ITPR3: variants seen among roughly 807,000 people sequenced by gnomAD.
ITPR3 encodes inositol 1,4,5-trisphosphate receptor type 3.
ITPR3 carries 173 observed loss-of-function variants against 293.2 expected under a neutral mutation model. The observed-to-expected ratio is 0.59, with a 90% confidence interval of 0.52 to 0.67. The LOEUF (loss-of-function observed/expected upper bound fraction) is 0.67. ITPR3 is among the 30% of genes least tolerant of loss of function. The pLI, the probability that ITPR3 is intolerant of heterozygous loss-of-function variation, is 0.00. For synonymous variants in ITPR3, 1,295 were observed against 1,444.4 expected, an observed-to-expected ratio of 0.90 and a Z score of 2.35; for missense variants, 2,796 against 3,592.1, an observed-to-expected ratio of 0.78 and a Z score of 5.66.
chr6:33,676,720 A>G (rs1355078329), intron 25 of ITPR3, 48 bp from the exon 26 acceptor site: 27 of 1,606,558 alleles, frequency 1.7e-5, no homozygotes, highest in Non-Finnish European at 2.3e-5. Flanking sequence ...TCTAAGTGGC[A>G]TGGACCTGGA....
At chr6:33,689,828 C>T (rs1042814633) in intron 50 of ITPR3, among the ~76,000 whole-genome samples, 12 of 152,226 alleles carry the variant, frequency 7.9e-5, no homozygotes, top group African/African-American at 9.6e-5. Flanking sequence ...CCCCATCCTC[C>T]GTTGCCTGTA....
Position 33,673,576 on chromosome 6 carries a change from T to C in ITPR3, c.2929-15T>C, listed in dbSNP as rs773863454. 6.2e-7 allele frequency: 1 copy of C among 1,613,742 alleles called. No homozygotes were observed. The highest frequency in any genetic ancestry group is 8.5e-7 in the Non-Finnish European group (1 of 1,179,806). ...CCTCACCCCATCCTCACCTGACCTT[T>C]CCTCTCTTCTCCAGTTCATCCTCAA... On this transcript the variant is annotated splice_polypyrimidine_tract_variant and intron_variant, in intron 22 of 57. Transcript: ENST00000605930.
In ITPR3 at chr6:33,688,229, G is replaced by A. The variant is rs1765290516; in HGVS notation, c.6376-10G>A. ...TGCGCCGGGCGTGACCATGTGCTGTGTGTGCTCAGATTGTGCGGCAGGACC... is the reference window on the plus strand; with the variant it reads ...TGCGCCGGGCGTGACCATGTGCTGTATGTGCTCAGATTGTGCGGCAGGACC... On this transcript the variant is annotated splice_polypyrimidine_tract_variant and intron_variant, in intron 47 of 57. Coordinates refer to ENST00000605930, the MANE Select transcript of ITPR3 (RefSeq NM_002224.4). 12 of 1,614,182 alleles carry A rather than the reference G, an allele frequency of 7.4e-6. No homozygotes were observed. The highest frequency in any genetic ancestry group is 9.3e-6 in the Non-Finnish European group (11 of 1,180,034).
chr6:33,624,289 C>T lies in ITPR3; in HGVS notation c.89+2598C>T, dbSNP rs1763506404. Among the ~76,000 whole-genome samples the T allele has an allele frequency of 6.6e-6, 1 of 152,200 alleles. No homozygotes were observed. The highest frequency in any genetic ancestry group is 6.5e-5 in the Admixed American group (1 of 15,286). On this transcript the variant is annotated intron_variant, in intron 1 of 57. Coordinates refer to ENST00000605930, the MANE Select transcript of ITPR3 (RefSeq NM_002224.4). The surrounding 1 kb of genome is among the most constrained non-coding windows in gnomAD (Gnocchi z 4.7). ...GGATTAACACCATTCATATATTTAG[C>T]AGGTCTACAGGCACTGTACTGGGTG...
intron 56 of ITPR3, among the ~76,000 whole-genome samples, chr6:33,694,006 C>G (rs1765467408): frequency 6.6e-6 from 1 of 152,210 alleles, no homozygotes; most frequent in South Asian, 2.1e-4. Context: ...ACAGCAAACC[C>G]ATGCGCCCCG....
In ITPR3 at chr6:33,670,849, G is replaced by T. The variant is rs1280486222; in HGVS notation, c.2586+34G>T. On this transcript the variant is annotated intron_variant, in intron 20 of 57. Coordinates refer to ENST00000605930, the MANE Select transcript of ITPR3 (RefSeq NM_002224.4). The surrounding 1 kb of genome is among the most constrained non-coding windows in gnomAD (Gnocchi z 6.7). ...GGGAGTGCCCAGGGGCTGGGGGTCCGTGGAGCTCTTGTTGGCCCCACACTG... is the reference window on the plus strand; with the variant it reads ...GGGAGTGCCCAGGGGCTGGGGGTCCTTGGAGCTCTTGTTGGCCCCACACTG... The T allele has an allele frequency of 1.2e-6, 2 of 1,605,672 alleles. No individual in the cohort carries two copies. The highest frequency in any genetic ancestry group is 2.7e-5 in the African/African-American group (2 of 74,818).
At chr6:33,623,321 GTTTTGTT>G (rs1252920765) in intron 1 of ITPR3, among the ~76,000 whole-genome samples, 1 of 118,266 alleles carries the variant, frequency 8.5e-6, no homozygotes, top group Admixed American at 9.1e-5. Context: ...GTGCCTGTGA[GTTTTGTT>G]TTTTTTTTTT....
In ITPR3 at chr6:33,675,496, C is replaced by G. The variant is rs1033582697; in HGVS notation, c.3117-195C>G. 1.3e-5 allele frequency among the ~76,000 whole-genome samples: 2 copies of G among 151,842 alleles called. No homozygotes were observed. The highest frequency in any genetic ancestry group is 1.9e-4 in the East Asian group (1 of 5,184). On this transcript the variant is annotated intron_variant, in intron 24 of 57. Transcript: ENST00000605930. The surrounding 1 kb of genome is among the most constrained non-coding windows in gnomAD (Gnocchi z 5.0). ...GAGTCCCGAGAGATCCCAGGAGACA[C>G]GGGTCACTCCGGAGATTCAGGGGAG...
At position 33,624,565 on chromosome 6, in the gene ITPR3, C is replaced by G. The variant is rs1477595084; in HGVS notation, c.89+2874C>G. Among the ~76,000 whole-genome samples, 2 of 152,258 alleles carry G rather than the reference C, an allele frequency of 1.3e-5. No homozygotes were observed. The highest frequency in any genetic ancestry group is 2.9e-5 in the Non-Finnish European group (2 of 68,052). Reference sequence around the variant, plus strand: ...AGCGTTGCTCTGAGTGATTTTCTCTCTGCCCCATCCTCCTCAGAATCCTTC... The same window carrying G: ...AGCGTTGCTCTGAGTGATTTTCTCTGTGCCCCATCCTCCTCAGAATCCTTC... On this transcript the variant is annotated intron_variant, in intron 1 of 57. Coordinates refer to ENST00000605930, the MANE Select transcript of ITPR3 (RefSeq NM_002224.4). This position sits in a 1 kb window ranked among gnomAD's most constrained non-coding sequence, Gnocchi z 4.7.
At chr6:33,668,467 G>T in intron 16 of ITPR3, 48 bp from the exon 17 acceptor site, 1 of 1,613,010 alleles carries the variant, frequency 6.2e-7, no homozygotes, top group South Asian at 1.1e-5. Context: ...TCCTTAGAGG[G>T]ACCAGCCTCT....
rs552731371 is a variant in ITPR3, at chr6:33,696,155, G to A, written c.*375G>A. ...TTAACTCCAAGCACTACATTTTGGCGGCTGCCGGCCTCTGGGGGAGGTGGC... is the reference window on the plus strand; with the variant it reads ...TTAACTCCAAGCACTACATTTTGGCAGCTGCCGGCCTCTGGGGGAGGTGGC... On this transcript the variant is annotated 3_prime_UTR_variant, in exon 58 of 58. Transcript: ENST00000605930. 1.2e-3 allele frequency: 282 copies of A among 232,090 alleles called. 1 individual carries two copies. Among genetic ancestry groups the A allele is most frequent in the African/African-American group, 5.5e-3 (249 of 44,894 alleles). The allele number at this position is 232,090 out of a possible 1,614,324, so 14.4% of individuals were successfully genotyped here. A position where few individuals can be genotyped will look rare whatever the true frequency, so the allele number is the denominator to read the frequency against.
intron 2 of ITPR3, among the ~76,000 whole-genome samples, chr6:33,646,088 G>A (rs1016432960): frequency 2.6e-5 from 4 of 151,866 alleles, no homozygotes; most frequent in African/African-American, 4.8e-5. Context: ...CACCCGCCTC[G>A]GTCTCCCAAA....
rs1554138841 is a variant in ITPR3 at position 33,680,043 on chromosome 6, C to T, written c.4134C>T (p.Gly1378=). ...LVDLLAACAE[G]KNVYTEIKCT... is the part of the protein sequence containing the mutation. ...ACCTGCTGGCCGCCTGTGCCGAGGGCAAAAACGTCTACACTGAGATCAAGT... is the reference window on the plus strand; with the variant it reads ...ACCTGCTGGCCGCCTGTGCCGAGGGTAAAAACGTCTACACTGAGATCAAGT... The change falls in exon 31 of 58, where the codon GGC becomes GGT. Residue 1378 remains glycine (G), a synonymous_variant. Transcript: ENST00000605930. 6.2e-7 allele frequency: 1 copy of T among 1,613,888 alleles called. No individual in the cohort carries two copies. The highest frequency in any genetic ancestry group is 8.5e-7 in the Non-Finnish European group (1 of 1,180,036).
At position 33,690,216 on chromosome 6, in the gene ITPR3, G is replaced by A. The variant is rs1765353630; in HGVS notation, c.7032+18G>A. On this transcript the variant is annotated intron_variant, in intron 51 of 57. Transcript: ENST00000605930. Reference sequence around the variant, plus strand: ...GCATCCTGGTGAGGCCTTCTGGGTGGGCTGGGGCTGGATGGGGGCATGGGG... The same window carrying A: ...GCATCCTGGTGAGGCCTTCTGGGTGAGCTGGGGCTGGATGGGGGCATGGGG... 2.5e-6 allele frequency: 4 copies of A among 1,611,030 alleles called. No homozygotes were observed. Among genetic ancestry groups the A allele is most frequent in the African/African-American group, 2.7e-5 (2 of 74,870 alleles).
In ITPR3 at chr6:33,679,125, C is replaced by T. The variant is rs929917070; in HGVS notation, c.3972+286C>T. Among the ~76,000 whole-genome samples, 2 of 152,186 alleles carry T rather than the reference C, an allele frequency of 1.3e-5. No homozygotes were observed. Among genetic ancestry groups the T allele is most frequent in the African/African-American group, 2.4e-5 (1 of 41,432 alleles). On this transcript the variant is annotated intron_variant, in intron 30 of 57. Transcript: ENST00000605930. This position sits in a 1 kb window ranked among gnomAD's most constrained non-coding sequence, Gnocchi z 4.2. ...CAAGCATGCATTCCTTGTCACTTGTCGTCGTTTATTTAAAATCAGGAAGCA... is the reference window on the plus strand; with the variant it reads ...CAAGCATGCATTCCTTGTCACTTGTTGTCGTTTATTTAAAATCAGGAAGCA...
rs1765313541 is a variant in ITPR3, at chr6:33,688,901, C to T, written c.6694+120C>T. 2.2e-6 allele frequency: 3 copies of T among 1,341,472 alleles called. No homozygotes were observed. In the African/African-American group the frequency reaches 4.3e-5, roughly 19 times the overall value. The allele number at this position is 1,341,472 out of a possible 1,614,324, so 83.1% of individuals were successfully genotyped here. ...GCACCAGATGCAGAGTGTGCAGAAGCACCCCCTGCGCCATCCTGTGGGCTC... is the reference window on the plus strand; with the variant it reads ...GCACCAGATGCAGAGTGTGCAGAAGTACCCCCTGCGCCATCCTGTGGGCTC... On this transcript the variant is annotated intron_variant, in intron 49 of 57. Coordinates refer to ENST00000605930, the MANE Select transcript of ITPR3 (RefSeq NM_002224.4).
chr6:33,671,143 C>A (rs1359911545), intron 20 of ITPR3, 22 bp from the exon 21 acceptor site: 4 of 1,612,670 alleles, frequency 2.5e-6, no homozygotes, highest in Admixed American at 3.3e-5. Flanking sequence ...CCCACCTCAC[C>A]TCGGCCACGC....
chr6:33,679,033 G>T lies in ITPR3; in HGVS notation c.3972+194G>T, dbSNP rs1764995612. Among the ~76,000 whole-genome samples, 2 of 152,232 alleles carry T rather than the reference G, an allele frequency of 1.3e-5. No homozygotes were observed. Among genetic ancestry groups the T allele is most frequent in the South Asian group, 4.1e-4 (2 of 4,836 alleles). On this transcript the variant is annotated intron_variant, in intron 30 of 57. Transcript: ENST00000605930. The surrounding 1 kb of genome is among the most constrained non-coding windows in gnomAD (Gnocchi z 4.2). Reference sequence around the variant, plus strand: ...TAGAACTCAGCCTGTGGGCCTGATAGAACTCAAGCAGGGTCCCAGTAGCAT... The same window carrying T: ...TAGAACTCAGCCTGTGGGCCTGATATAACTCAAGCAGGGTCCCAGTAGCAT...
chr6:33,680,215 A>G, intron 31 of ITPR3, 82 bp downstream of exon 31: 2 of 1,580,392 alleles, frequency 1.3e-6, no homozygotes, highest in Non-Finnish European at 1.7e-6. Flanking sequence ...GAGTGGGTGA[A>G]GCAAAGCCAG....
Sources: allele counts gnomAD v4.1 joint callset (sites outside exome capture counted in the v4.1 genomes callset), GRCh38; gene constraint gnomAD v4.1.1; non-coding constraint Gnocchi (gnomAD v3.1); transcripts MANE v1.5; gene names NCBI Gene and HGNC (gene_info 2026-07-23, HGNC 2026-07-21).